The following DNAAF11 variants were observed in gnomAD, a reference collection of about 807,000 sequenced individuals.
The protein encoded by DNAAF11 is dynein axonemal assembly factor 11, also known as leucine rich repeat containing 6.
DNAAF11 carries 45 observed loss-of-function variants against 60.8 expected under a neutral mutation model. The observed-to-expected ratio is 0.74, with a 90% CI of 0.58 to 0.95. The LOEUF (loss-of-function observed/expected upper bound fraction) is 0.95, where lower values mean the gene tolerates loss of function less well. Ranked by LOEUF, DNAAF11 falls within the 40% of genes least tolerant of loss-of-function variation. DNAAF11 has a pLI of 0.00. For synonymous variants in DNAAF11, 191 were observed against 183.5 expected (o/e 1.04, Z -0.33); for missense variants, 546 against 546.2 (o/e 1.00, Z 0.00).
At chr8:132,665,720 C>A (rs967589571) in intron 1 of DNAAF11, among the ~76,000 whole-genome samples, 6 of 152,158 alleles carry the variant, frequency 3.9e-5, no homozygotes, top group Admixed American at 1.3e-4. Flanking sequence ...ATAGAATGAA[C>A]AATCAACCTA....
upstream of DNAAF11, chr8:132,675,641 C>A (rs899000903): frequency 3.2e-5 from 24 of 742,718 alleles, no homozygotes; most frequent in South Asian, 5.8e-4. Flanking sequence ...GGGACCAAAA[C>A]AAGCCGCGTT....
At chr8:132,687,559 G>C in the DNAAF11 span, 1 of 455,404 alleles carries the variant, frequency 2.2e-6, no homozygotes, top group Admixed American at 2.4e-5. Flanking sequence ...ATCAGAAGGC[G>C]GACCCACACC....
rs370253500 is a variant in DNAAF11 at position 132,587,638 on chromosome 8, TA to T, written c.1141-3860del. Among the ~76,000 whole-genome samples the T allele has an allele frequency of 3.1e-4, 47 of 152,306 alleles. No individual in the cohort carries two copies. In the East Asian group the frequency reaches 6.9e-3, roughly 23 times the overall value. On this transcript the variant is annotated intron_variant, in intron 10 of 11. Transcript: ENST00000620350. ...TGTGCTAAATGTGTTTAGGAATGAC[TA>T]ATGGAAAAGTTGTAAGGGCCAAAAT...
intron 8 of DNAAF11, among the ~76,000 whole-genome samples, chr8:132,614,603 G>A (rs554044813): frequency 1.2e-4 from 18 of 152,248 alleles, no homozygotes; most frequent in African/African-American, 4.3e-4. Flanking sequence ...GGGCAGCAGG[G>A]AAGAAGGGTC....
At chr8:132,677,496 C>T (rs1367089319), upstream of DNAAF11, among the ~76,000 whole-genome samples, 4 of 152,070 alleles carry the variant, frequency 2.6e-5, no homozygotes, top group East Asian at 1.9e-4. Context: ...ACTCCAGAAC[C>T]GCAGAAAGTT....
At chr8:132,629,493 G>A (rs539655741) in intron 5 of DNAAF11, among the ~76,000 whole-genome samples, 322 of 152,008 alleles carry the variant, frequency 2.1e-3, no homozygotes, top group African/African-American at 7.3e-3. Flanking sequence ...GACTACAGGC[G>A]CCTGCCACCA....
At chr8:132,576,176 C>G (rs1314539082) in intron 11 of DNAAF11, among the ~76,000 whole-genome samples, 9 of 152,208 alleles carry the variant, frequency 5.9e-5, no homozygotes, top group Admixed American at 5.9e-4. Context: ...AACACTGACA[C>G]TACTCCTTGT....
the DNAAF11 span, among the ~76,000 whole-genome samples, chr8:132,688,732 T>G: frequency 1.3e-5 from 2 of 152,190 alleles, no homozygotes; most frequent in African/African-American, 2.4e-5. Flanking sequence ...GAGGACATGG[T>G]GTGCACATCT....
In DNAAF11 at chr8:132,637,995, G is replaced by A. The variant is rs373347833; in HGVS notation, c.369C>T (p.Asn123=). The change falls in exon 4 of 12, where the codon AAC becomes AAT. Residue 123 remains asparagine, a synonymous_variant. Transcript: ENST00000620350. ...IHLKELFLMG[N]PCASFDHYRE... ...TATAGTGGTCAAAGGAAGCACATGG[G>A]TTCCCCATGAGAAAGAGCTCCTTCA... 1.4e-4 allele frequency: 229 copies of A among 1,613,926 alleles called. No homozygotes were observed. The highest frequency in any genetic ancestry group is 1.8e-4 in the Non-Finnish European group (212 of 1,179,930).
chr8:132,651,882 T>C (rs1380627032), intron 3 of DNAAF11, among the ~76,000 whole-genome samples: 1 of 152,178 alleles, frequency 6.6e-6, no homozygotes, highest in Non-Finnish European at 1.5e-5. Flanking sequence ...ATGACTCCAT[T>C]TCTAATGCAG....
chr8:132,579,996 T>A (rs151064850), intron 11 of DNAAF11, among the ~76,000 whole-genome samples: 129 of 140,564 alleles, frequency 9.2e-4, no homozygotes, highest in African/African-American at 3.2e-3. Context: ...AACTCTGTCT[T>A]AAAAAAACAA....
the DNAAF11 span, chr8:132,702,174 A>G: frequency 6.6e-6 from 1 of 152,236 alleles, no homozygotes; most frequent in African/African-American, 2.4e-5. Context: ...CTCTATGACA[A>G]TAAAGCCATA....
chr8:132,587,703 C>T (rs185772205), intron 10 of DNAAF11, among the ~76,000 whole-genome samples: 5 of 152,228 alleles, frequency 3.3e-5, no homozygotes, highest in Non-Finnish European at 7.4e-5. Context: ...TAACAGTTTC[C>T]TGAATCCACA....
At chr8:132,675,747 C>G (rs527718603), upstream of DNAAF11, 37 of 411,026 alleles carry the variant, frequency 9.0e-5, no homozygotes, top group Middle Eastern at 4.7e-4. Context: ...CCTCGTCGCA[C>G]TTCCGACTTG....
the DNAAF11 span, among the ~76,000 whole-genome samples, chr8:132,689,231 G>A: frequency 1.3e-5 from 2 of 152,134 alleles, no homozygotes; most frequent in Non-Finnish European, 2.9e-5. Flanking sequence ...TTAGGAGCTG[G>A]TTGGACATTA....
At chr8:132,694,640 A>G in the DNAAF11 span, among the ~76,000 whole-genome samples, 1 of 152,266 alleles carries the variant, frequency 6.6e-6, no homozygotes, top group Admixed American at 6.5e-5. Flanking sequence ...ACTGCCATTA[A>G]CTAAGATAGT....
At chr8:132,614,378 G>A (rs1340632298) in intron 8 of DNAAF11, among the ~76,000 whole-genome samples, 1 of 152,156 alleles carries the variant, frequency 6.6e-6, no homozygotes, top group Non-Finnish European at 1.5e-5. Context: ...AGTGAACCAG[G>A]GCCTAAAATC....
chr8:132,657,778 T>A (rs1321917393), intron 2 of DNAAF11, among the ~76,000 whole-genome samples: 1 of 152,228 alleles, frequency 6.6e-6, no homozygotes, highest in Admixed American at 6.5e-5. Flanking sequence ...TATATTACCT[T>A]ATTTAATCCT....
intron 7 of DNAAF11, among the ~76,000 whole-genome samples, chr8:132,616,212 A>C (rs1023763281): frequency 6.6e-6 from 1 of 152,134 alleles, no homozygotes; most frequent in Admixed American, 6.6e-5. Context: ...TAAAGGTTGC[A>C]TTCTCTGGCC....
Sources: gnomAD v4.1 joint callset for allele counts (sites outside exome capture counted in the v4.1 genomes callset) on GRCh38, gnomAD v4.1.1 for gene constraint, MANE v1.5 for transcripts, NCBI Gene and HGNC (gene_info 2026-07-23, HGNC 2026-07-21) for gene names.